The following UNG variants were observed in gnomAD, a reference collection of about 807,000 sequenced individuals.
UNG encodes uracil DNA glycosylase, also known as uracil-DNA glycosylase.
A neutral mutation model predicts 36.5 loss-of-function variants in UNG; 34 were observed. The observed-to-expected ratio is 0.93, with a 90% CI of 0.71 to 1.24. The LOEUF is 1.24. Ranked by LOEUF, UNG falls within the 50% of genes most tolerant of loss-of-function variation. The pLI is 0.00. For missense variants in UNG, 391 were observed against 397.6 expected (o/e 0.98, Z 0.14); for synonymous variants, 172 against 157.8 (o/e 1.09, Z -0.67).
rs1008090632 is a variant in UNG at position 109,107,406 on chromosome 12, G to A, written c.802-2423G>A. 3.3e-5 allele frequency among the ~76,000 whole-genome samples: 5 copies of A among 151,552 alleles called. No homozygotes were observed. In the South Asian group the frequency reaches 8.3e-4, roughly 25 times the overall value. On this transcript the variant is annotated intron_variant, in intron 6 of 6. Coordinates refer to ENST00000242576, the MANE Select transcript of UNG (RefSeq NM_080911.3). ...TTTTGTGGAGACAGGGTTTCACCAC[G>A]TTGCCCAGGCTGGCTCTTGAACTCC...
intron 3 of UNG, 176 bp downstream of exon 3, chr12:109,099,460 G>C (rs764322336): frequency 1.1e-5 from 7 of 634,006 alleles, no homozygotes; most frequent in Non-Finnish European, 1.7e-5. Flanking sequence ...TGTTTACCAC[G>C]TGGTATTTAT....
chr12:109,097,785 G>A lies in UNG; in HGVS notation c.106G>A (p.Val36Met). The change falls in exon 1 of 7, where the codon GTG becomes ATG. Residue 36 changes from valine to methionine, a missense_variant. By Grantham distance (21) the Val-to-Met change is conservative. Coordinates refer to ENST00000242576, the MANE Select transcript of UNG (RefSeq NM_080911.3). ...CGTCCAGGGGACCGGCGTGGCTGGG[G>A]TGCCTGAGGAAAGCGGAGATGCGGC... ...PAVQGTGVAG[V>M]PEESGDAAAI... 6.4e-7 allele frequency: 1 copy of A among 1,557,026 alleles called. No homozygotes were observed. Among genetic ancestry groups the A allele is most frequent in the East Asian group, 2.4e-5 (1 of 41,296 alleles).
chr12:109,100,680 A>G (rs1205540028), intron 3 of UNG, among the ~76,000 whole-genome samples: 1 of 152,258 alleles, frequency 6.6e-6, no homozygotes, highest in Non-Finnish European at 1.5e-5. Flanking sequence ...TTTCAAACCT[A>G]TGAGGATCAG....
intron 6 of UNG, among the ~76,000 whole-genome samples, chr12:109,107,074 T>C (rs2042223525): frequency 6.6e-6 from 1 of 150,828 alleles, no homozygotes; most frequent in African/African-American, 2.4e-5. Flanking sequence ...CTATATAGCC[T>C]AGGTGTGTAG....
chr12:109,103,627 TTTC>T lies in UNG; in HGVS notation c.801+19_801+21del, dbSNP rs892793471. The T allele has an allele frequency of 7.0e-6, 11 of 1,566,032 alleles. No individual in the cohort carries two copies. The African/African-American group carries it at 1.1e-4, about 16-fold the overall frequency. On this transcript the variant is annotated intron_variant, in intron 6 of 6. Coordinates refer to ENST00000242576, the MANE Select transcript of UNG (RefSeq NM_080911.3). ...CATTGATAGGGTATGTTTTGTTTTC[TTTC>T]TTTTTTTTCTTTTTTTTTTAACACT...
intron 2 of UNG, 98 bp downstream of exon 2, chr12:109,098,736 T>A: frequency 2.6e-6 from 4 of 1,536,354 alleles, no homozygotes; most frequent in Non-Finnish European, 3.6e-6. Context: ...TTCCGTAGGC[T>A]TAGGTTGTAC....
Position 109,102,924 on chromosome 12 carries a change from C to A in UNG, c.619C>A (p.Gln207Lys). The A allele has an allele frequency of 6.4e-7, 1 of 1,568,552 alleles. No individual in the cohort carries two copies. Among genetic ancestry groups the A allele is most frequent in the Non-Finnish European group, 8.8e-7 (1 of 1,142,322 alleles). ...TGGAGATTTATCTGGGTGGGCCAAGCAAGGTAAGCCAGCGACTGCTAGATT... is the reference window on the plus strand; with the variant it reads ...TGGAGATTTATCTGGGTGGGCCAAGAAAGGTAAGCCAGCGACTGCTAGATT... ...GHGDLSGWAKQGVLLLNAVLT... is the reference protein window; with the variant it reads ...GHGDLSGWAKKGVLLLNAVLT... The change falls in exon 5 of 7, where the codon CAA becomes AAA. Residue 207 changes from glutamine (Q) to lysine (K), a missense_variant. Physicochemically the swap from Gln to Lys is moderately conservative, Grantham distance 53 (BLOSUM62 1). Coordinates refer to ENST00000242576, the MANE Select transcript of UNG (RefSeq NM_080911.3).
chr12:109,099,923 A>G (rs1482417344), intron 3 of UNG, among the ~76,000 whole-genome samples: 1 of 152,148 alleles, frequency 6.6e-6, no homozygotes, highest in East Asian at 1.9e-4. Flanking sequence ...TTAGCCGGGC[A>G]TGGTGGCGCA....
At chr12:109,100,665 A>C (rs2042169423) in intron 3 of UNG, among the ~76,000 whole-genome samples, 1 of 152,220 alleles carries the variant, frequency 6.6e-6, no homozygotes. Flanking sequence ...ATGCTCAAAA[A>C]CCAGTTTCAA....
In UNG at chr12:109,099,256, C is replaced by G. The variant is rs765329435; in HGVS notation, c.407C>G (p.Thr136Ser). The G allele has an allele frequency of 4.3e-6, 7 of 1,613,972 alleles. No homozygotes were observed. In the African/African-American group the frequency reaches 9.3e-5, roughly 22 times the overall value. Residue 136 changes from threonine (T) to serine (S), a missense_variant, in exon 3 of 7, where the codon ACC (threonine) becomes AGC (serine). Coordinates refer to ENST00000242576, the MANE Select transcript of UNG (RefSeq NM_080911.3). ...TATCCACCCCCACACCAAGTCTTCA[C>G]CTGGACCCAGATGTGTGACATAAAA... is the stretch of plus-strand genomic sequence containing the variant. ...TVYPPPHQVF[T>S]WTQMCDIKDV... is the part of the protein sequence containing the mutation.
intron 3 of UNG, 54 bp from the exon 4 acceptor site, chr12:109,101,848 C>A: frequency 6.8e-7 from 1 of 1,465,380 alleles, no homozygotes; most frequent in Non-Finnish European, 9.6e-7. Context: ...GAGGCAGGGT[C>A]TGTGCTGCTT....
At chr12:109,099,070 GACATA>G (rs2042157175) in intron 2 of UNG, 114 bp from the exon 3 acceptor site, 3 of 1,006,160 alleles carry the variant, frequency 3.0e-6, no homozygotes, top group Admixed American at 4.1e-5. Flanking sequence ...AAAGAATTTG[GACATA>G]ACATGACAAA....
At chr12:109,098,045 G>A (rs1308023446) in intron 1 of UNG, 1 of 1,360,776 alleles carries the variant, frequency 7.3e-7, no homozygotes, top group Admixed American at 3.1e-5. Flanking sequence ...CGCGCCGCAG[G>A]CCCTCCTGGC....
intron 3 of UNG, among the ~76,000 whole-genome samples, chr12:109,101,623 C>T (rs947093613): frequency 3.3e-5 from 5 of 152,034 alleles, no homozygotes; most frequent in Non-Finnish European, 5.9e-5. Flanking sequence ...GGTGGGAGGA[C>T]CACTTGAGCC....
At position 109,098,802 on chromosome 12, in the gene UNG, T is replaced by C. The variant is rs150646176; in HGVS notation, c.339+164T>C. Among the ~76,000 whole-genome samples, 259 of 152,254 alleles carry C rather than the reference T, an allele frequency of 1.7e-3. 2 individuals are homozygous for C. Among genetic ancestry groups the C allele is most frequent in the Non-Finnish European group, 1.5e-3 (99 of 68,020 alleles). On this transcript the variant is annotated intron_variant, in intron 2 of 6. Coordinates refer to ENST00000242576, the MANE Select transcript of UNG (RefSeq NM_080911.3). Reference sequence around the variant, plus strand: ...GTAAAAGAAAGCCATGATGTTTCACTCTGCAGCTTTATATTGGTTAAAGTT... The same window carrying C: ...GTAAAAGAAAGCCATGATGTTTCACCCTGCAGCTTTATATTGGTTAAAGTT...
Position 109,110,396 on chromosome 12 carries a change from C to T in UNG, c.*427C>T, listed in dbSNP as rs2042252086. On this transcript the variant is annotated 3_prime_UTR_variant, in exon 7 of 7. Coordinates refer to ENST00000242576, the MANE Select transcript of UNG (RefSeq NM_080911.3). ...CTTAGAAAGGTCCCCTTGTCTCAGC[C>T]TTGCAGGGCAGGCATGCCAGTCTCT... The T allele has an allele frequency of 4.3e-6, 1 of 233,370 alleles. No homozygotes were observed. The highest frequency in any genetic ancestry group is 9.8e-5 in the East Asian group (1 of 10,246). 14.5% of individuals were successfully genotyped at this position (233,370 alleles called of 1,614,324 possible).
intron 1 of UNG, chr12:109,098,185 A>C (rs538049279): frequency 8.4e-6 from 12 of 1,422,106 alleles, no homozygotes; most frequent in Non-Finnish European, 1.0e-5. Flanking sequence ...CAGGGTTCCC[A>C]GTCACCGCGA....
rs76091303 is a variant in UNG, at chr12:109,108,051, T to C, written c.802-1778T>C. Among the ~76,000 whole-genome samples, 31 of 152,344 alleles carry C rather than the reference T, an allele frequency of 2.0e-4. No individual in the cohort carries two copies. In the East Asian group the frequency reaches 5.6e-3, roughly 27 times the overall value. On this transcript the variant is annotated intron_variant, in intron 6 of 6. Coordinates refer to ENST00000242576, the MANE Select transcript of UNG (RefSeq NM_080911.3). ...TGCATTTTGTTCACTTGGTAAATTTTGGAGGTCATCTCATCAGTATATTTA... is the reference window on the plus strand; with the variant it reads ...TGCATTTTGTTCACTTGGTAAATTTCGGAGGTCATCTCATCAGTATATTTA...
At chr12:109,098,181 T>G (rs1159936902) in intron 1 of UNG, 15 of 1,419,912 alleles carry the variant, frequency 1.1e-5, no homozygotes, top group Non-Finnish European at 1.4e-5. Flanking sequence ...TGTGCAGGGT[T>G]CCCAGTCACC....
Sources: allele counts gnomAD v4.1 joint callset (sites outside exome capture counted in the v4.1 genomes callset), GRCh38; gene constraint gnomAD v4.1.1; transcripts MANE v1.5; gene names NCBI Gene and HGNC (gene_info 2026-07-23, HGNC 2026-07-21).